ACACB: variants seen among roughly 807,000 people sequenced by gnomAD.
ACACB encodes the protein acetyl-CoA carboxylase beta.
A neutral mutation model predicts 278.8 loss-of-function variants in ACACB; 209 were observed. The observed-to-expected ratio is 0.75, with a 90% CI of 0.67 to 0.84. The LOEUF (loss-of-function observed/expected upper bound fraction) is 0.84, where lower values mean the gene tolerates loss of function less well. Ranked by LOEUF, ACACB falls within the 40% of genes least tolerant of loss-of-function variation. The probability of loss-of-function intolerance (pLI) is 0.00; values close to 1 mark genes in which losing one functional copy is unlikely to be tolerated. For missense variants in ACACB, 2,850 were observed against 3,269.0 expected (o/e 0.87, Z 3.13); for synonymous variants, 1,174 against 1,285.6 (o/e 0.91, Z 1.86).
In ACACB at chr12:109,191,671, G is replaced by C; in HGVS notation, c.2203G>C (p.Glu735Gln). 20 of 1,614,146 alleles carry C rather than the reference G, an allele frequency of 1.2e-5. No individual in the cohort carries two copies. The highest frequency in any genetic ancestry group is 1.7e-5 in the Non-Finnish European group (20 of 1,180,004). Residue 735 changes from glutamate (E) to glutamine (Q), a missense_variant, in exon 14 of 53, where the codon GAA becomes CAA. This residue lies in a region of ACACB where 2,265 missense variants were observed against 2,561.3 expected (regional missense o/e 0.88). Transcript: ENST00000338432. Reference protein sequence around the residue: ...SIRGDFRTTVEYLINLLETES... With the variant: ...SIRGDFRTTVQYLINLLETES... ...CCGAGGCGACTTTAGGACTACCGTG[G>C]AATACCTCATTAACCTCCTGGAGAC... is the stretch of plus-strand genomic sequence containing the variant.
rs369575164 is a variant in ACACB at position 109,222,550 on chromosome 12, T to C, written c.3608T>C (p.Ile1203Thr). Reference sequence around the variant, plus strand: ...GACCCTTCCCTGTCGGACGAGCTGATCTCCATCCTCAACGAGCTCACTCAG... The same window carrying C: ...GACCCTTCCCTGTCGGACGAGCTGACCTCCATCCTCAACGAGCTCACTCAG... ...GPDPSLSDEL[I>T]SILNELTQLS... The change falls in exon 25 of 53, where the codon ATC becomes ACC. Residue 1203 changes from isoleucine to threonine, a missense_variant. Around this residue, in one of 3 missense-constraint regions of ACACB, gnomAD observed 2,265 missense variants for 2,561.3 expected, o/e 0.88. Coordinates refer to ENST00000338432, the MANE Select transcript of ACACB (RefSeq NM_001093.4). The C allele has an allele frequency of 6.2e-6, 10 of 1,613,976 alleles. No individual in the cohort carries two copies. In the East Asian group the frequency reaches 1.1e-4, roughly 18 times the overall value.
At chr12:109,150,761 A>C (rs1379930748) in intron 2 of ACACB, among the ~76,000 whole-genome samples, 1 of 152,178 alleles carries the variant, frequency 6.6e-6, no homozygotes, top group Non-Finnish European at 1.5e-5. Context: ...CACATCTCTT[A>C]TCGGCTCCAA....
At chr12:109,212,801 A>C (rs751562759) in intron 21 of ACACB, 35 bp from the exon 22 acceptor site, 1 of 1,559,526 alleles carries the variant, frequency 6.4e-7, no homozygotes, top group Non-Finnish European at 8.8e-7. Flanking sequence ...CATCTGAATC[A>C]TCAGCAGTCA....
Position 109,266,224 on chromosome 12 carries a change from C to A in ACACB, c.7251-12C>A. 1 of 1,611,126 alleles carries A rather than the reference C, an allele frequency of 6.2e-7. No homozygotes were observed. The highest frequency in any genetic ancestry group is 1.1e-5 in the South Asian group (1 of 90,632). The stretch of plus-strand genomic sequence containing the variant: ...TGGAGTGATCCCAGCCCTCCTCTCA[C>A]CTCCCCCACAGCCTGGTTGAAGAAA... On this transcript the variant is annotated splice_polypyrimidine_tract_variant and intron_variant, in intron 52 of 52. Coordinates refer to ENST00000338432, the MANE Select transcript of ACACB (RefSeq NM_001093.4).
chr12:109,218,652 ATTT>A (rs578075666), intron 24 of ACACB, among the ~76,000 whole-genome samples: 2 of 128,244 alleles, frequency 1.6e-5, no homozygotes, highest in Non-Finnish European at 1.7e-5. Flanking sequence ...GGGTTTGGCA[ATTT>A]TTTTTTTTTT....
At chr12:109,210,269 A>ATATATG (rs1555223046) in intron 21 of ACACB, among the ~76,000 whole-genome samples, 6 of 7,872 alleles carry the variant, frequency 7.6e-4, no homozygotes, top group African/African-American at 1.5e-3. Flanking sequence ...GTGTATATGT[A>ATATATG]CATATACACA....
At chr12:109,174,004 G>C in intron 6 of ACACB, 128 bp from the exon 7 acceptor site, 1 of 671,352 alleles carries the variant, frequency 1.5e-6, no homozygotes, top group South Asian at 2.1e-5. Context: ...TTGAGAGCTG[G>C]GACCAGAGAA....
At chr12:109,167,065 G>A in intron 3 of ACACB, 72 bp downstream of exon 3, 2 of 1,598,654 alleles carry the variant, frequency 1.3e-6, no homozygotes, top group South Asian at 1.1e-5. Flanking sequence ...AGCTGGAGGT[G>A]GGAGATTCGG....
chr12:109,265,914 AT>A (rs1250415155), intron 52 of ACACB, among the ~76,000 whole-genome samples: 1 of 152,130 alleles, frequency 6.6e-6, no homozygotes, highest in African/African-American at 2.4e-5. Context: ...CCCTCCCCCA[AT>A]TGCCATGGGG....
In ACACB at chr12:109,209,145, T is replaced by G. The variant is rs1036798987; in HGVS notation, c.3061-20T>G. 1.1e-5 allele frequency: 17 copies of G among 1,575,654 alleles called. No individual in the cohort carries two copies. In the African/African-American group the frequency reaches 2.2e-4, roughly 20 times the overall value. ...ATGCCCATGCAGGGCTGGGGGCTGA[T>G]GCTGTGGTCCCCGCTTCAGCTGAAG... On this transcript the variant is annotated intron_variant, in intron 20 of 52. Coordinates refer to ENST00000338432, the MANE Select transcript of ACACB (RefSeq NM_001093.4).
At chr12:109,111,611 A>G (rs1235074306), upstream of ACACB, 1 of 149,208 alleles carries the variant, frequency 6.7e-6, no homozygotes, top group African/African-American at 2.5e-5. Context: ...GCTGAAGTAC[A>G]GTGGCGCGAT....
chr12:109,209,285 G>T lies in ACACB; in HGVS notation c.3181G>T (p.Val1061Phe), dbSNP rs2045611767. Reference protein sequence around the residue: ...GRIPAPVEKSVRRVMAQYASN... With the variant: ...GRIPAPVEKSFRRVMAQYASN... The stretch of plus-strand genomic sequence containing the variant: ...CATCCCCGCCCCTGTGGAGAAGTCT[G>T]TCCGCAGGGTGATGGCCCAGTATGC... Residue 1061 changes from valine (V) to phenylalanine (F), a missense_variant, in exon 21 of 53, where the codon GTC becomes TTC. By Grantham distance (50) the Val-to-Phe change is conservative. Transcript: ENST00000338432. 1 of 1,612,672 alleles carries T rather than the reference G, an allele frequency of 6.2e-7. No homozygotes were observed. The highest frequency in any genetic ancestry group is 1.3e-5 in the African/African-American group (1 of 74,940).
chr12:109,259,983 G>A (rs1222086016), intron 47 of ACACB: 131 of 1,065,510 alleles, frequency 1.2e-4, no homozygotes, highest in Non-Finnish European at 1.7e-4. Flanking sequence ...TCAGAGGGCC[G>A]AGGTAAGAGT....
intron 35 of ACACB, among the ~76,000 whole-genome samples, chr12:109,240,836 G>A (rs1301837796): frequency 2.0e-5 from 3 of 152,084 alleles, no homozygotes; most frequent in Non-Finnish European, 2.9e-5. Flanking sequence ...TTCCTTATCT[G>A]TCAGTGAGGG....
At position 109,260,293 on chromosome 12, in the gene ACACB, G is replaced by A. The variant is rs992370420; in HGVS notation, c.6497-187G>A. 26 of 1,123,790 alleles carry A rather than the reference G, an allele frequency of 2.3e-5. No homozygotes were observed. In the African/African-American group the frequency reaches 2.9e-4, roughly 13 times the overall value. The allele number at this position is 1,123,790 out of a possible 1,614,324, so 69.6% of individuals were successfully genotyped here. Reference sequence around the variant, plus strand: ...AGATGAGGCCACTGAGGCCCACACTGGGTGAATGACCTGTTCGAGGTCACA... The same window carrying A: ...AGATGAGGCCACTGAGGCCCACACTAGGTGAATGACCTGTTCGAGGTCACA... On this transcript the variant is annotated intron_variant, in intron 47 of 52. Coordinates refer to ENST00000338432, the MANE Select transcript of ACACB (RefSeq NM_001093.4).
chr12:109,228,341 A>G (rs935058578), intron 28 of ACACB, among the ~76,000 whole-genome samples: 2 of 150,692 alleles, frequency 1.3e-5, no homozygotes, highest in African/African-American at 4.9e-5. Flanking sequence ...ATCTCAAAAA[A>G]AAAAAAGAGA....
intron 2 of ACACB, among the ~76,000 whole-genome samples, chr12:109,146,850 T>C (rs2043255250): frequency 6.6e-6 from 1 of 152,040 alleles, no homozygotes. Flanking sequence ...AATTTTTTTA[T>C]TTTTGGTAAA....
chr12:109,201,114 AG>A (rs1211958196), intron 18 of ACACB, among the ~76,000 whole-genome samples: 1 of 152,264 alleles, frequency 6.6e-6, no homozygotes, highest in Non-Finnish European at 1.5e-5. Flanking sequence ...GAAAATTAAA[AG>A]GGCTGATGAG....
Position 109,139,589 on chromosome 12 carries a change from G to A in ACACB, c.184G>A (p.Gly62Arg). Residue 62 changes from glycine to arginine, a missense_variant, in exon 2 of 53, where the codon GGG becomes AGG. Transcript: ENST00000338432. ...DNSGETPQRN[G>R]EGHTLPKTPS... ...CTCAGGGGAGACACCGCAGAGAAAT[G>A]GGGAGGGCCACACTCTGCCCAAGAC... 1 of 1,614,034 alleles carries A rather than the reference G, an allele frequency of 6.2e-7. No homozygotes were observed. The highest frequency in any genetic ancestry group is 2.2e-5 in the East Asian group (1 of 44,874).
Sources: gnomAD v4.1 joint callset for allele counts (sites outside exome capture counted in the v4.1 genomes callset) on GRCh38, gnomAD v4.1.1 for gene constraint, gnomAD v4.1.1 regional missense constraint, MANE v1.5 for transcripts, NCBI Gene and HGNC (gene_info 2026-07-23, HGNC 2026-07-21) for gene names.